Variants in LONP1 observed in about 807,000 individuals in gnomAD.
LONP1 encodes lon peptidase 1, mitochondrial.
Under a neutral mutation model 98.5 loss-of-function variants are expected in LONP1, and 31 were observed. The ratio of observed to expected loss-of-function variants is 0.31; its 90% CI spans 0.24 to 0.42. The LOEUF is 0.42. Ranked by LOEUF, LONP1 falls within the 20% of genes least tolerant of loss-of-function variation. LONP1 has a pLI of 1.00. For synonymous variants in LONP1, 781 were observed against 594.7 expected (o/e 1.31, Z -4.56); for missense variants, 1,336 against 1,350.6 (o/e 0.99, Z 0.17).
rs917827343 is a variant in LONP1, at chr19:5,708,076, A to T, written c.933-250T>A. 19 of 609,092 alleles carry T rather than the reference A, an allele frequency of 3.1e-5. No individual in the cohort carries two copies. In the Admixed American group the frequency reaches 5.3e-4, roughly 17 times the overall value. 37.7% of individuals were successfully genotyped at this position (609,092 alleles called of 1,614,324 possible). On this transcript the variant is annotated intron_variant, in intron 5 of 17. Coordinates refer to ENST00000360614, the MANE Select transcript of LONP1 (RefSeq NM_004793.4). ...AGCCGTGCAGTGACCTCACCTCAGC[A>T]GTCTGCTCCCCACTCCCCCAGCCAA...
At chr19:5,704,058 C>T (rs2145604726) in intron 8 of LONP1, among the ~76,000 whole-genome samples, 1 of 152,212 alleles carries the variant, frequency 6.6e-6, no homozygotes, top group Middle Eastern at 3.4e-3. Flanking sequence ...GAGTGAAGGT[C>T]CCCGAGACAG....
rs1381034671 is a variant in LONP1 at position 5,700,873 on chromosome 19, G to T, written c.1422C>A (p.Ser474Arg). Residue 474 changes from serine to arginine, a missense_variant, in exon 9 of 18, where the codon AGC (serine) becomes AGA (arginine). Ser to Arg is a moderately radical substitution (Grantham distance 110). Transcript: ENST00000360614. Reference protein sequence around the residue: ...WLTSIPWGKYSNENLDLARAQ... With the variant: ...WLTSIPWGKYRNENLDLARAQ... The stretch of plus-strand genomic sequence containing the variant: ...CCCGCGCCAGGTCCAGGTTCTCGTT[G>T]CTGTACTTGCCCCAAGGGATGGACG... 3 of 1,614,244 alleles carry T rather than the reference G, an allele frequency of 1.9e-6. No homozygotes were observed. The highest frequency in any genetic ancestry group is 1.7e-4 in the Middle Eastern group (1 of 6,060).
chr19:5,711,021 T>C (rs1430565934), intron 4 of LONP1, among the ~76,000 whole-genome samples: 1 of 150,752 alleles, frequency 6.6e-6, no homozygotes, highest in African/African-American at 2.5e-5. Context: ...AGCCAGACTC[T>C]GTCTCAAAAA....
chr19:5,696,678 T>C lies in LONP1; in HGVS notation c.1765A>G (p.Ile589Val), dbSNP rs368178461. 9 of 1,611,734 alleles carry C rather than the reference T, an allele frequency of 5.6e-6. No homozygotes were observed. In the African/African-American group the frequency reaches 1.2e-4, roughly 22 times the overall value. ...KTKTENPLIL[I>V]DEVDKIGRGY... The stretch of plus-strand genomic sequence containing the variant: ...GGCCTCTCCGCACGCACCTCGTCGA[T>C]GAGGATCAGGGGGTTCTCCGTCTTG... Residue 589 changes from isoleucine (I) to valine (V), a missense_variant, in exon 11 of 18, where the codon ATC becomes GTC. Ile to Val is a conservative substitution (Grantham distance 29, BLOSUM62 3). This residue lies in a region of LONP1 where 555 missense variants were observed against 542.6 expected (regional missense o/e 1.02). Coordinates refer to ENST00000360614, the MANE Select transcript of LONP1 (RefSeq NM_004793.4).
chr19:5,712,097 C>T lies in LONP1; in HGVS notation c.639-95G>A, dbSNP rs2261565. On this transcript the variant is annotated intron_variant, in intron 3 of 17. Coordinates refer to ENST00000360614, the MANE Select transcript of LONP1 (RefSeq NM_004793.4). ...TGGTGGCACAGGTGGTCCAAGGGTC[C>T]CGCTGAGCCCAGACCTCTGGAGCCA... 0.07 allele frequency: 71,533 copies of T among 1,021,598 alleles called. 2,894 individuals are homozygous for T. The highest frequency in any genetic ancestry group is 0.11 in the South Asian group (6,800 of 61,726). The allele number at this position is 1,021,598 out of a possible 1,614,324, so 63.3% of individuals were successfully genotyped here.
chr19:5,705,844 T>C lies in LONP1; in HGVS notation c.1295A>G (p.Lys432Arg), dbSNP rs1051994053. Residue 432 changes from lysine (K) to arginine (R), a missense_variant, in exon 8 of 18, where the codon AAG becomes AGG. Transcript: ENST00000360614. ...RERLKELVVP[K>R]HVMDVVDEEL... ...CTCGTCCACAACATCCATGACGTGC[T>C]TGGGGACCACGAGCTCCTTCAGGCG... 5 of 1,614,196 alleles carry C rather than the reference T, an allele frequency of 3.1e-6. No individual in the cohort carries two copies. The South Asian group carries it at 3.3e-5, about 11-fold the overall frequency.
At chr19:5,697,222 G>A (rs763251050) in intron 10 of LONP1, among the ~76,000 whole-genome samples, 9 of 152,096 alleles carry the variant, frequency 5.9e-5, no homozygotes, top group Non-Finnish European at 1.0e-4. Context: ...CAGGCCCCAC[G>A]AGAGACAGTG....
chr19:5,692,725 A>C (rs1015669033), intron 17 of LONP1, among the ~76,000 whole-genome samples: 1 of 152,080 alleles, frequency 6.6e-6, no homozygotes, highest in Non-Finnish European at 1.5e-5. Context: ...GAGCCTCCCA[A>C]TTTGCCTCCA....
intron 5 of LONP1, 44 bp from the exon 6 acceptor site, chr19:5,707,870 T>C (rs766215650): frequency 6.2e-7 from 1 of 1,605,930 alleles, no homozygotes; most frequent in Non-Finnish European, 8.5e-7. Context: ...GGCCTCACGC[T>C]CTGCTGCAGT....
Position 5,693,587 on chromosome 19 carries a change from G to T in LONP1, c.2503C>A (p.Leu835Met). 6.2e-7 allele frequency: 1 copy of T among 1,614,136 alleles called. No individual in the cohort carries two copies. Among genetic ancestry groups the T allele is most frequent in the Non-Finnish European group, 8.5e-7 (1 of 1,179,998 alleles). Residue 835 changes from leucine to methionine, a missense_variant, in exon 16 of 18, where the codon CTG becomes ATG. Physicochemically the swap from Leu to Met is conservative, Grantham distance 15. Transcript: ENST00000360614. ...LMQHAPANDY[L>M]VTSHIHLHVP... is the part of the protein sequence containing the mutation. The stretch of plus-strand genomic sequence containing the variant: ...TGCAGGTGGATGTGTGAGGTCACCA[G>T]GTAGTCATTGGCGGGGGCGTGCTGC...
chr19:5,704,381 G>A (rs2055109427), intron 8 of LONP1, among the ~76,000 whole-genome samples: 1 of 152,162 alleles, frequency 6.6e-6, no homozygotes, highest in Non-Finnish European at 1.5e-5. Flanking sequence ...GGGGCGTGCT[G>A]GGAGGGGAAG....
intron 13 of LONP1, 114 bp from the exon 14 acceptor site, chr19:5,695,015 G>A (rs2054901145): frequency 1.6e-6 from 2 of 1,257,232 alleles, no homozygotes; most frequent in African/African-American, 1.5e-5. Context: ...TGGGAACGAG[G>A]TCCCTGATGG....
intron 10 of LONP1, 108 bp downstream of exon 10, chr19:5,698,919 C>T (rs1244744317): frequency 3.4e-6 from 4 of 1,189,406 alleles, no homozygotes; most frequent in Non-Finnish European, 2.3e-6. Context: ...GAATCGGTTG[C>T]CCACAACCCG....
chr19:5,700,644 A>T, intron 9 of LONP1, 145 bp downstream of exon 9: 1 of 1,135,622 alleles, frequency 8.8e-7, no homozygotes, highest in Non-Finnish European at 1.2e-6. Flanking sequence ...GCAGGATGCT[A>T]CCTCCGCCGG....
At chr19:5,712,902 A>T (rs983644071) in intron 3 of LONP1, among the ~76,000 whole-genome samples, 22 of 152,182 alleles carry the variant, frequency 1.4e-4, no homozygotes, top group African/African-American at 5.3e-4. Context: ...AAGTGCTGGA[A>T]TTCCAGGCAG....
At chr19:5,702,075 TG>T (rs1258861980) in intron 8 of LONP1, among the ~76,000 whole-genome samples, 1 of 133,100 alleles carries the variant, frequency 7.5e-6, no homozygotes, top group African/African-American at 2.9e-5. Context: ...GGGAGGGAGG[TG>T]GGGGGGTCAG....
chr19:5,707,921 C>T, intron 5 of LONP1, 95 bp from the exon 6 acceptor site: 1 of 1,460,412 alleles, frequency 6.8e-7, no homozygotes, highest in Non-Finnish European at 9.4e-7. Flanking sequence ...GGTCCCTGTC[C>T]CCTGTAGCTA....
chr19:5,696,156 G>A lies in LONP1; in HGVS notation c.1911C>T (p.Cys637=), dbSNP rs145542739. The stretch of plus-strand genomic sequence containing the variant: ...GGATGGTGTCCGTGACGTTGGCCGT[G>A]CAGATGAACAGCACCTGGGGGCGGC... ...PVDLSKVLFI[C]TANVTDTIPE... is the part of the protein sequence containing the mutation. Residue 637 remains cysteine, a synonymous_variant, in exon 13 of 18, where the codon TGC becomes TGT. Coordinates refer to ENST00000360614, the MANE Select transcript of LONP1 (RefSeq NM_004793.4). 72 of 1,612,950 alleles carry A rather than the reference G, an allele frequency of 4.5e-5. No individual in the cohort carries two copies. In the African/African-American group the frequency reaches 5.1e-4, roughly 11 times the overall value.
chr19:5,707,554 G>C (rs1365869309), intron 6 of LONP1, 143 bp downstream of exon 6: 4 of 814,114 alleles, frequency 4.9e-6, no homozygotes, highest in South Asian at 3.3e-5. Context: ...ACACAGCTGG[G>C]TGTGGATGGT....
Sources: allele counts gnomAD v4.1 joint callset (sites outside exome capture counted in the v4.1 genomes callset), GRCh38; gene constraint gnomAD v4.1.1; regional missense constraint gnomAD v4.1.1; transcripts MANE v1.5; gene names NCBI Gene and HGNC (gene_info 2026-07-23, HGNC 2026-07-21).